LAGE3: variants seen among roughly 807,000 people sequenced by gnomAD.
LAGE3 encodes L antigen family member 3.
LAGE3 carries 2 observed loss-of-function variants against 4.4 expected under a neutral mutation model. The observed-to-expected ratio is 0.46, with a 90% CI of 0.19 to 1.44. The LOEUF (loss-of-function observed/expected upper bound fraction) is 1.44, where lower values mean the gene tolerates loss of function less well. Among genes scored for constraint, LAGE3 ranks in the 40% most tolerant of loss-of-function variants. LAGE3 has a pLI of 0.26. For synonymous variants in LAGE3, 79 were observed against 60.0 expected, an observed-to-expected ratio of 1.32 and a Z score of -1.47; for missense variants, 152 against 138.1, an observed-to-expected ratio of 1.10 and a Z score of -0.51.
chrX:154,477,843 G>C lies in LAGE3; in HGVS notation c.*101C>G. The C allele has an allele frequency of 1.7e-6, 1 of 602,410 alleles. No homozygotes were observed. Among genetic ancestry groups the C allele is most frequent in the Non-Finnish European group, 2.7e-6 (1 of 371,051 alleles). 49.6% of individuals were successfully genotyped at this position (602,410 alleles called of 1,213,427 possible). On this transcript the variant is annotated 3_prime_UTR_variant, in exon 3 of 3. Coordinates refer to ENST00000357360, the MANE Select transcript of LAGE3 (RefSeq NM_006014.5). ...CCAGATAAAACATGAGGCCCTCCCA[G>C]GAAAGTAGCAACTGTGGGAATTCCT... is the stretch of plus-strand genomic sequence containing the variant.
chrX:154,478,173 C>G, intron 2 of LAGE3, 110 bp downstream of exon 2: 1 of 1,134,781 alleles, frequency 8.8e-7, no homozygotes, highest in South Asian at 1.9e-5. Context: ...TACACAGCCC[C>G]TCAGGCAGAG....
chrX:154,478,890 C>CCTGCGT lies in LAGE3; in HGVS notation c.20_25dup (p.Asp7_Ala8dup). The CCTGCGT allele has an allele frequency of 2.0e-6, 2 of 1,002,629 alleles. No individual in the cohort carries two copies. The highest frequency in any genetic ancestry group is 2.5e-6 in the Non-Finnish European group (2 of 794,168). The allele number at this position is 1,002,629 out of a possible 1,213,427, so 82.6% of individuals were successfully genotyped here. A position where few individuals can be genotyped will look rare whatever the true frequency, so the allele number is the denominator to read the frequency against. ...GCCATCCCCGCCGTCAGCGCCTCCGCCTGCGTCTGCATCCGCGTCCCGCAT... is the reference window on the plus strand; with the variant it reads ...GCCATCCCCGCCGTCAGCGCCTCCGCCTGCGTCTGCGTCTGCATCCGCGTCCCGCAT... On this transcript the variant is annotated inframe_insertion, in exon 1 of 3. Coordinates refer to ENST00000357360, the MANE Select transcript of LAGE3 (RefSeq NM_006014.5).
intron 1 of LAGE3, 86 bp downstream of exon 1, chrX:154,478,639 TTCC>T: frequency 1.8e-6 from 1 of 552,885 alleles, no homozygotes; most frequent in Non-Finnish European, 2.5e-6. Flanking sequence ...CTGCTACCCT[TTCC>T]GTCGGCCCCC....
At chrX:154,478,495 GGTC>G in intron 1 of LAGE3, 84 bp from the exon 2 acceptor site, 1 of 1,090,824 alleles carries the variant, frequency 9.2e-7, no homozygotes, top group Non-Finnish European at 1.2e-6. Flanking sequence ...CCCCCTCTCA[GGTC>G]ACCCTGCCTA....
At position 154,478,802 on chromosome X, in the gene LAGE3, G is replaced by A. The variant is rs782323206; in HGVS notation, c.114C>T (p.Pro38=). 1.8e-6 allele frequency: 2 copies of A among 1,135,784 alleles called. No homozygotes were observed. Among genetic ancestry groups the A allele is most frequent in the Non-Finnish European group, 2.3e-6 (2 of 865,988 alleles). The allele number at this position is 1,135,784 out of a possible 1,213,427, so 93.6% of individuals were successfully genotyped here. Residue 38 remains proline, a synonymous_variant, in exon 1 of 3, where the codon CCC becomes CCT. Coordinates refer to ENST00000357360, the MANE Select transcript of LAGE3 (RefSeq NM_006014.5). ...DTAAAPAGGA[P]PAHAPGPGRD... is the part of the protein sequence containing the mutation. ...TGCCCGGACCTGGCGCGTGCGCTGGGGGAGCTCCACCGGCCGGAGCTGCGG... is the reference window on the plus strand; with the variant it reads ...TGCCCGGACCTGGCGCGTGCGCTGGAGGAGCTCCACCGGCCGGAGCTGCGG...
Position 154,478,822 on chromosome X carries a change from C to G in LAGE3, c.94G>C (p.Ala32Pro). The G allele has an allele frequency of 9.0e-7, 1 of 1,114,695 alleles. No individual in the cohort carries two copies. Among genetic ancestry groups the G allele is most frequent in the Non-Finnish European group, 1.2e-6 (1 of 854,746 alleles). 91.9% of individuals were successfully genotyped at this position (1,114,695 alleles called of 1,213,427 possible). A position where few individuals can be genotyped will look rare whatever the true frequency, so the allele number is the denominator to read the frequency against. ...GCTGGGGGAGCTCCACCGGCCGGAG[C>G]TGCGGCTGTGTCCACGCCCCCGCGG... ...SCRGGVDTAA[A>P]PAGGAPPAHA... is the part of the protein sequence containing the mutation. The change falls in exon 1 of 3, where the codon GCT becomes CCT. Residue 32 changes from alanine to proline, a missense_variant. Transcript: ENST00000357360.
At chrX:154,478,488 C>A in intron 1 of LAGE3, 77 bp from the exon 2 acceptor site, 1 of 1,102,116 alleles carries the variant, frequency 9.1e-7, no homozygotes, top group East Asian at 3.1e-5. Flanking sequence ...TCTGAAGCCC[C>A]CTCTCAGGTC....
At chrX:154,478,221 C>G (rs1232021806) in intron 2 of LAGE3, 62 bp downstream of exon 2, 2 of 1,189,776 alleles carry the variant, frequency 1.7e-6, no homozygotes, top group African/African-American at 3.5e-5. Context: ...AGGGCTCATC[C>G]TTGGATGTCC....
In LAGE3 at chrX:154,477,988, C is replaced by T; in HGVS notation, c.388G>A (p.Val130Met). ...CCAAAGCGCTGCATGGTCCGCACCA[C>T]CAGGGAAAGCTGGTCAAGAAAGTTG... ...VINFLDQLSL[V>M]VRTMQRFGPP... The change falls in exon 3 of 3, where the codon GTG becomes ATG. Residue 130 changes from valine (V) to methionine (M), a missense_variant. Val to Met is a conservative substitution (Grantham distance 21, BLOSUM62 1). Transcript: ENST00000357360. 1 of 1,212,157 alleles carries T rather than the reference C, an allele frequency of 8.2e-7. No individual in the cohort carries two copies. The highest frequency in any genetic ancestry group is 1.1e-6 in the Non-Finnish European group (1 of 895,494).
rs782606688 is a variant in LAGE3 at position 154,478,699 on chromosome X, G to A, written c.188+29C>T. ...CCCCGAGTCCAGCCCTCGCTCCGCC[G>A]CAAGCAGCCCCCAGCTCGGAAAGGA... On this transcript the variant is annotated intron_variant, in intron 1 of 2. Coordinates refer to ENST00000357360, the MANE Select transcript of LAGE3 (RefSeq NM_006014.5). 1.7e-5 allele frequency: 14 copies of A among 825,760 alleles called. No homozygotes were observed. The East Asian group carries it at 1.3e-3, about 78-fold the overall frequency. 68.1% of individuals were successfully genotyped at this position (825,760 alleles called of 1,213,427 possible).
chrX:154,478,376 G>C lies in LAGE3; in HGVS notation c.224C>G (p.Ala75Gly). The C allele has an allele frequency of 8.3e-7, 1 of 1,199,559 alleles. No individual in the cohort carries two copies. The highest frequency in any genetic ancestry group is 1.1e-6 in the Non-Finnish European group (1 of 890,023). The change falls in exon 2 of 3, where the codon GCG becomes GGG. Residue 75 changes from alanine to glycine, a missense_variant. Ala to Gly is a moderately conservative substitution (Grantham distance 60). Coordinates refer to ENST00000357360, the MANE Select transcript of LAGE3 (RefSeq NM_006014.5). ...TGCCAGGGACCCATGGGCGATTTCCGCCTCCAAGGGGGTCGGGAAAGGCAC... is the reference window on the plus strand; with the variant it reads ...TGCCAGGGACCCATGGGCGATTTCCCCCTCCAAGGGGGTCGGGAAAGGCAC... ...LSVPFPTPLE[A>G]EIAHGSLAPD...
At position 154,477,795 on chromosome X, in the gene LAGE3, C is replaced by G; in HGVS notation, c.*149G>C. On this transcript the variant is annotated 3_prime_UTR_variant, in exon 3 of 3. Transcript: ENST00000357360. ...TGGAATAGTAGCGCAGTTTTATTTT[C>G]TGTAGTAACAAACATTTAAGAACCA... 1 of 447,691 alleles carries G rather than the reference C, an allele frequency of 2.2e-6. No individual in the cohort carries two copies. Among genetic ancestry groups the G allele is most frequent in the Non-Finnish European group, 3.9e-6 (1 of 255,793 alleles). The allele number at this position is 447,691 out of a possible 1,213,427, so 36.9% of individuals were successfully genotyped here. A position where few individuals can be genotyped will look rare whatever the true frequency, so the allele number is the denominator to read the frequency against.
chrX:154,478,290 G>T lies in LAGE3; in HGVS notation c.310C>A (p.Leu104Met), dbSNP rs782513931. The T allele has an allele frequency of 1.7e-6, 2 of 1,211,038 alleles. No individual in the cohort carries two copies. Among genetic ancestry groups the T allele is most frequent in the Non-Finnish European group, 2.2e-6 (2 of 895,316 alleles). Residue 104 changes from leucine to methionine, a missense_variant, in exon 2 of 3, where the codon CTG becomes ATG. Transcript: ENST00000357360. Reference sequence around the variant, plus strand: ...GTCCCTTTCAGAACTTACACGACCAGGATCCTGCCACTCACTGTGAGATCC... The same window carrying T: ...GTCCCTTTCAGAACTTACACGACCATGATCCTGCCACTCACTGTGAGATCC... The part of the protein sequence containing the change: ...GKDLTVSGRI[L>M]VVRWKAEDCR...
Position 154,478,846 on chromosome X carries a change from G to A in LAGE3, c.70C>T (p.Arg24Cys), listed in dbSNP as rs11538408. Reference protein sequence around the residue: ...GGDGRGGHSCRGGVDTAAAPA... With the variant: ...GGDGRGGHSCCGGVDTAAAPA... ...GCTGCGGCTGTGTCCACGCCCCCGC[G>A]GCAGCTGTGGCCACCCCGGCCATCC... The change falls in exon 1 of 3, where the codon CGC (arginine) becomes TGC (cysteine). Residue 24 changes from arginine (R) to cysteine (C), a missense_variant. Arg to Cys is a radical substitution (Grantham distance 180). Transcript: ENST00000357360. 2 of 1,049,585 alleles carry A rather than the reference G, an allele frequency of 1.9e-6. No homozygotes were observed. The highest frequency in any genetic ancestry group is 4.2e-5 in the Admixed American group (1 of 23,747). 86.5% of individuals were successfully genotyped at this position (1,049,585 alleles called of 1,213,427 possible).
chrX:154,478,762 C>A lies in LAGE3; in HGVS notation c.154G>T (p.Ala52Ser). The stretch of plus-strand genomic sequence containing the variant: ...GGCCGCATTCGTGACCCCCTGGCCG[C>A]AGACGCGGCGTCTCTGCCCGGACCT... ...APGPGRDAAS[A>S]ARGSRMRPHI... is the part of the protein sequence containing the mutation. The change falls in exon 1 of 3, where the codon GCG becomes TCG. Residue 52 changes from alanine (A) to serine (S), a missense_variant. Ala to Ser is a moderately conservative substitution (Grantham distance 99). Transcript: ENST00000357360. 1 of 1,115,128 alleles carries A rather than the reference C, an allele frequency of 9.0e-7. No homozygotes were observed. The highest frequency in any genetic ancestry group is 3.2e-5 in the Admixed American group (1 of 30,958). The allele number at this position is 1,115,128 out of a possible 1,213,427, so 91.9% of individuals were successfully genotyped here.
At position 154,479,065 on chromosome X, in the gene LAGE3, G is replaced by A. The variant is rs1190288819; in HGVS notation, c.-150C>T. ...CCCTGGAGAGCCTGACTGGCGCGTG[G>A]TCAGTTCCCGCCAAGCGGCCCTGCC... On this transcript the variant is annotated 5_prime_UTR_variant, in exon 1 of 3. Coordinates refer to ENST00000357360, the MANE Select transcript of LAGE3 (RefSeq NM_006014.5). 1 of 311,077 alleles carries A rather than the reference G, an allele frequency of 3.2e-6. No homozygotes were observed. Among genetic ancestry groups the A allele is most frequent in the Non-Finnish European group, 5.5e-6 (1 of 182,666 alleles). 25.6% of individuals were successfully genotyped at this position (311,077 alleles called of 1,213,427 possible). A position where few individuals can be genotyped will look rare whatever the true frequency, so the allele number is the denominator to read the frequency against.
Position 154,479,248 on chromosome X carries a change from C to T in LAGE3, c.-333G>A. The T allele has an allele frequency of 4.8e-6, 1 of 210,018 alleles. No individual in the cohort carries two copies. Among genetic ancestry groups the T allele is most frequent in the Non-Finnish European group, 8.8e-6 (1 of 114,273 alleles). The allele number at this position is 210,018 out of a possible 1,213,427, so 17.3% of individuals were successfully genotyped here. ...ACCCTGACGGGGCTTTTGAAGACAC[C>T]GTGGTCGCCTATCCCAGAGGCGCAC... On this transcript the variant is annotated 5_prime_UTR_variant, in exon 1 of 3. Transcript: ENST00000357360.
rs182473703 is a variant in LAGE3, at chrX:154,478,969, G to T, written c.-54C>A. 1,262 of 627,709 alleles carry T rather than the reference G, an allele frequency of 2.0e-3. 11 individuals are homozygous for T. The African/African-American group carries it at 0.027, about 14-fold the overall frequency. 51.7% of individuals were successfully genotyped at this position (627,709 alleles called of 1,213,427 possible). On this transcript the variant is annotated 5_prime_UTR_variant, in exon 1 of 3. Transcript: ENST00000357360. Reference sequence around the variant, plus strand: ...CCCCGAAGCGCAGGTCCTACGCCCCGCCCTCTCTGTGGCTCCTTCCCGAAG... The same window carrying T: ...CCCCGAAGCGCAGGTCCTACGCCCCTCCCTCTCTGTGGCTCCTTCCCGAAG...
At position 154,478,269 on chromosome X, in the gene LAGE3, C is replaced by A; in HGVS notation, c.317+14G>T. The A allele has an allele frequency of 8.3e-7, 1 of 1,210,372 alleles. No individual in the cohort carries two copies. The highest frequency in any genetic ancestry group is 1.1e-6 in the Non-Finnish European group (1 of 895,015). On this transcript the variant is annotated intron_variant, in intron 2 of 2. Coordinates refer to ENST00000357360, the MANE Select transcript of LAGE3 (RefSeq NM_006014.5). ...TGGGCCGCCTCCCCCAACCCCGTCCCTTTCAGAACTTACACGACCAGGATC... is the reference window on the plus strand; with the variant it reads ...TGGGCCGCCTCCCCCAACCCCGTCCATTTCAGAACTTACACGACCAGGATC...
Sources: gnomAD v4.1 joint callset for allele counts on GRCh38, gnomAD v4.1.1 for gene constraint, MANE v1.5 for transcripts, NCBI Gene and HGNC (gene_info 2026-07-23, HGNC 2026-07-21) for gene names.